The following MARCHF4 variants were observed in gnomAD, a reference collection of about 807,000 sequenced individuals.
MARCHF4 encodes E3 ubiquitin-protein ligase MARCHF4.
A neutral mutation model predicts 43.9 loss-of-function variants in MARCHF4; 14 were observed. The ratio of observed to expected loss-of-function variants is 0.32; its 90% CI spans 0.21 to 0.50. The LOEUF (loss-of-function observed/expected upper bound fraction) is 0.50. Ranked by LOEUF, MARCHF4 falls within the 20% of genes least tolerant of loss-of-function variation. The pLI is 0.98. For synonymous variants in MARCHF4, 226 were observed against 213.3 expected, an observed-to-expected ratio of 1.06 and a Z score of -0.52; for missense variants, 468 against 536.7, an observed-to-expected ratio of 0.87 and a Z score of 1.27.
intron 1 of MARCHF4, among the ~76,000 whole-genome samples, chr2:216,354,121 G>A (rs1223123332): frequency 6.6e-6 from 1 of 152,162 alleles, no homozygotes; most frequent in Non-Finnish European, 1.5e-5. Flanking sequence ...ACCACAGAAA[G>A]GCTGGGCTTA....
chr2:216,361,622 T>A (rs1692581375), intron 1 of MARCHF4, among the ~76,000 whole-genome samples: 1 of 151,972 alleles, frequency 6.6e-6, no homozygotes, highest in Non-Finnish European at 1.5e-5. Context: ...ATGTTGGGAG[T>A]GAGGGATCCA....
At chr2:216,364,309 C>T (rs1559108602) in intron 1 of MARCHF4, among the ~76,000 whole-genome samples, 1 of 152,014 alleles carries the variant, frequency 6.6e-6, no homozygotes, top group Non-Finnish European at 1.5e-5. Flanking sequence ...GAGCATGAAG[C>T]GGGTGCCAGG....
At chr2:216,329,175 T>C (rs1692044905) in intron 1 of MARCHF4, among the ~76,000 whole-genome samples, 1 of 152,054 alleles carries the variant, frequency 6.6e-6, no homozygotes. Flanking sequence ...GGTCAGGAGA[T>C]CGAGACCATC....
At chr2:216,347,419 A>C (rs989980456) in intron 1 of MARCHF4, among the ~76,000 whole-genome samples, 7 of 152,306 alleles carry the variant, frequency 4.6e-5, no homozygotes, top group Middle Eastern at 3.4e-3. Flanking sequence ...GCAAGAGAGG[A>C]GGGTAGCTTG....
chr2:216,307,462 A>C (rs1691606599), intron 1 of MARCHF4, among the ~76,000 whole-genome samples: 1 of 152,128 alleles, frequency 6.6e-6, no homozygotes, highest in Non-Finnish European at 1.5e-5. Context: ...GGAAGGAAGT[A>C]GGAAGAAAAG....
Position 216,259,209 on chromosome 2 carries a change from C to A in MARCHF4, c.*103G>T, listed in dbSNP as rs1472794841. On this transcript the variant is annotated 3_prime_UTR_variant, in exon 4 of 4. Transcript: ENST00000273067. ...CCAGGGCTCCCGCCAGGTCCCCCAC[C>A]CTCTGCCTGCTCCCTCTGTTGGCTC... 1.5e-5 allele frequency: 22 copies of A among 1,479,584 alleles called. No homozygotes were observed. Among genetic ancestry groups the A allele is most frequent in the Non-Finnish European group, 1.9e-5 (21 of 1,118,842 alleles). 91.7% of individuals were successfully genotyped at this position (1,479,584 alleles called of 1,614,324 possible).
intron 3 of MARCHF4, among the ~76,000 whole-genome samples, chr2:216,268,415 G>C (rs1280696292): frequency 2.0e-5 from 3 of 152,212 alleles, no homozygotes; most frequent in Non-Finnish European, 4.4e-5. Flanking sequence ...TCAAGGGAGG[G>C]AGGTGATTGG....
At chr2:216,264,674 T>C (rs1690815973) in intron 3 of MARCHF4, among the ~76,000 whole-genome samples, 1 of 152,156 alleles carries the variant, frequency 6.6e-6, no homozygotes, top group South Asian at 2.1e-4. Flanking sequence ...AAGCCCCAAA[T>C]TCACTCTTTC....
chr2:216,330,678 T>C lies in MARCHF4; in HGVS notation c.516+39067A>G, dbSNP rs1692070333. On this transcript the variant is annotated intron_variant, in intron 1 of 3. Transcript: ENST00000273067. ...CTGAAATCAGTCAGAATTTTCTGAG[T>C]ATGTTAACTTAAACTAGAAATCAAT... Among the ~76,000 whole-genome samples, 3 of 152,138 alleles carry C rather than the reference T, an allele frequency of 2.0e-5. No homozygotes were observed. The South Asian group carries it at 6.2e-4, about 32-fold the overall frequency.
intron 1 of MARCHF4, among the ~76,000 whole-genome samples, chr2:216,300,208 A>G (rs1034895726): frequency 6.6e-6 from 1 of 152,050 alleles, no homozygotes; most frequent in African/African-American, 2.4e-5. Context: ...ATTCTTTGCT[A>G]TAATGTATGT....
chr2:216,285,656 G>A (rs1028771961), intron 1 of MARCHF4, among the ~76,000 whole-genome samples: 13 of 152,168 alleles, frequency 8.5e-5, no homozygotes, highest in African/African-American at 3.1e-4. Flanking sequence ...AGATGCCCAC[G>A]TTGCTGGGTA....
chr2:216,289,419 G>A (rs200389532), intron 1 of MARCHF4, among the ~76,000 whole-genome samples: 11 of 152,074 alleles, frequency 7.2e-5, no homozygotes, highest in Admixed American at 3.3e-4. Context: ...AAACTTGCTC[G>A]TTTTTCTCTT....
At chr2:216,323,687 A>C (rs1258568110) in intron 1 of MARCHF4, among the ~76,000 whole-genome samples, 1 of 152,250 alleles carries the variant, frequency 6.6e-6, no homozygotes, top group African/African-American at 2.4e-5. Context: ...CTACATGGAA[A>C]CTGAACAACC....
chr2:216,370,294 G>T lies in MARCHF4; in HGVS notation c.-34C>A. On this transcript the variant is annotated 5_prime_UTR_variant, in exon 1 of 4. Coordinates refer to ENST00000273067, the MANE Select transcript of MARCHF4 (RefSeq NM_020814.3). The stretch of plus-strand genomic sequence containing the variant: ...TGGAAGTAGAGAGCCCAAGAGGGGT[G>T]GCTGGAGTCTTAAAAGAGGGGGACA... 6.5e-7 allele frequency: 1 copy of T among 1,546,442 alleles called. No homozygotes were observed.
At chr2:216,296,344 TCAAA>T (rs1177830739) in intron 1 of MARCHF4, among the ~76,000 whole-genome samples, 1 of 152,140 alleles carries the variant, frequency 6.6e-6, no homozygotes, top group Non-Finnish European at 1.5e-5. Flanking sequence ...AGACTCCATC[TCAAA>T]CAAAACAAAA....
At chr2:216,325,629 A>G (rs1691977242) in intron 1 of MARCHF4, among the ~76,000 whole-genome samples, 1 of 152,222 alleles carries the variant, frequency 6.6e-6, no homozygotes, top group South Asian at 2.1e-4. Flanking sequence ...TCAATGGAAC[A>G]GAACAGAGCC....
At chr2:216,318,776 G>A (rs532879769) in intron 1 of MARCHF4, among the ~76,000 whole-genome samples, 23 of 152,172 alleles carry the variant, frequency 1.5e-4, no homozygotes, top group African/African-American at 5.5e-4. Context: ...CACAGAAAGC[G>A]CTTACAGCTA....
intron 1 of MARCHF4, among the ~76,000 whole-genome samples, chr2:216,313,372 G>C (rs550015451): frequency 6.6e-6 from 1 of 152,158 alleles, no homozygotes. Context: ...AACATTTCTA[G>C]TTCATTAAAA....
At chr2:216,317,421 GT>G (rs11296188) in intron 1 of MARCHF4, among the ~76,000 whole-genome samples, 88,402 of 151,450 alleles carry the variant, frequency 0.58, 26,060 homozygotes, top group South Asian at 0.67. Flanking sequence ...ATCCTTTTTT[GT>G]TTTTTTTTAG....
Sources: gnomAD v4.1 joint callset for allele counts (sites outside exome capture counted in the v4.1 genomes callset) on GRCh38, gnomAD v4.1.1 for gene constraint, MANE v1.5 for transcripts, NCBI Gene and HGNC (gene_info 2026-07-23, HGNC 2026-07-21) for gene names.